AQP9: variants seen among roughly 807,000 people sequenced by gnomAD.
The protein encoded by AQP9 is aquaporin 9, also known as aquaporin-9.
In AQP9, 19 loss-of-function variants were observed where a neutral mutation model predicts 23.8. The ratio of observed to expected loss-of-function variants is 0.80; its 90% confidence interval spans 0.56 to 1.17. The LOEUF (loss-of-function observed/expected upper bound fraction) is 1.17, where lower values mean the gene tolerates loss of function less well. AQP9 is among the 50% of genes most tolerant of loss of function. The pLI is 0.00. For missense variants in AQP9, 413 were observed against 362.0 expected, an observed-to-expected ratio of 1.14 and a Z score of -1.14; for synonymous variants, 153 against 131.5, an observed-to-expected ratio of 1.16 and a Z score of -1.12.
intron 1 of AQP9, among the ~76,000 whole-genome samples, chr15:58,142,525 A>C (rs1897969009): frequency 6.6e-6 from 1 of 152,232 alleles, no homozygotes. Flanking sequence ...TTCACCACCT[A>C]CAAACACATT....
chr15:58,171,869 C>T (rs1054910500), intron 2 of AQP9, among the ~76,000 whole-genome samples: 15 of 139,868 alleles, frequency 1.1e-4, no homozygotes, highest in South Asian at 2.3e-4. Flanking sequence ...ATCATCATCA[C>T]CACCATCATC....
intron 1 of AQP9, among the ~76,000 whole-genome samples, chr15:58,145,532 T>C (rs1763805148): frequency 1.3e-5 from 2 of 151,928 alleles, no homozygotes. Context: ...TTTTTTAACT[T>C]AAAGTAAATC....
chr15:58,151,763 C>G lies in AQP9; in HGVS notation c.111+13087C>G, dbSNP rs1003050304. 4 of 152,210 alleles carry G rather than the reference C, an allele frequency of 2.6e-5. No individual in the cohort carries two copies. In the South Asian group the frequency reaches 8.3e-4, roughly 32 times the overall value. 9.4% of individuals were successfully genotyped at this position (152,210 alleles called of 1,614,324 possible). On this transcript the variant is annotated intron_variant, in intron 1 of 5. Coordinates refer to ENST00000219919, the MANE Select transcript of AQP9 (RefSeq NM_020980.5). ...TATGACTCTCATAGCAAAAATACCTCTATATGGACTTCACCTATGACTCCC... is the reference window on the plus strand; with the variant it reads ...TATGACTCTCATAGCAAAAATACCTGTATATGGACTTCACCTATGACTCCC...
At position 58,185,757 on chromosome 15, in the gene AQP9, A is replaced by T. The variant is rs1899016890; in HGVS notation, c.*1622A>T. 1 of 152,360 alleles carries T rather than the reference A, an allele frequency of 6.6e-6. No homozygotes were observed. Among genetic ancestry groups the T allele is most frequent in the Non-Finnish European group, 1.5e-5 (1 of 68,040 alleles). 9.4% of individuals were successfully genotyped at this position (152,360 alleles called of 1,614,324 possible). A position where few individuals can be genotyped will look rare whatever the true frequency, so the allele number is the denominator to read the frequency against. On this transcript the variant is annotated 3_prime_UTR_variant, in exon 6 of 6. Coordinates refer to ENST00000219919, the MANE Select transcript of AQP9 (RefSeq NM_020980.5). ...ATTCCCAAAGGCATTAGGTTTCCCA[A>T]CTGCTTTGTGCTGATATCAGAACAG...
chr15:58,171,037 G>A (rs191167532), intron 2 of AQP9, among the ~76,000 whole-genome samples: 81 of 151,646 alleles, frequency 5.3e-4, no homozygotes, highest in Non-Finnish European at 1.1e-3. Context: ...CAATTCTCCT[G>A]CCTCAGTCTC....
chr15:58,140,891 T>C (rs766451479), intron 1 of AQP9, among the ~76,000 whole-genome samples: 1 of 152,092 alleles, frequency 6.6e-6, no homozygotes. Flanking sequence ...CCCCAACACA[T>C]GGGCCACGGA....
intron 4 of AQP9, among the ~76,000 whole-genome samples, chr15:58,177,337 C>T (rs1381393362): frequency 6.6e-6 from 1 of 152,140 alleles, no homozygotes; most frequent in African/African-American, 2.4e-5. Context: ...GAGGCTCAAT[C>T]TAACAAGTAA....
Position 58,179,223 on chromosome 15 carries a change from C to G in AQP9, c.591C>G (p.Gly197=), listed in dbSNP as rs1376847342. The G allele has an allele frequency of 1.9e-6, 3 of 1,614,146 alleles. No homozygotes were observed. The highest frequency in any genetic ancestry group is 1.7e-6 in the Non-Finnish European group (2 of 1,179,988). Residue 197 remains glycine, a synonymous_variant, in exon 5 of 6, where the codon GGC becomes GGG. Coordinates refer to ENST00000219919, the MANE Select transcript of AQP9 (RefSeq NM_020980.5). ...APRGLEPIAI[G]LLIIVIASSL... ...GAGGCCTAGAGCCCATTGCCATCGG[C>G]CTCCTGATTATTGTCATTGCTTCCT... is the stretch of plus-strand genomic sequence containing the variant.
intron 1 of AQP9, among the ~76,000 whole-genome samples, chr15:58,163,547 C>A (rs189987341): frequency 6.6e-6 from 1 of 151,990 alleles, no homozygotes; most frequent in Non-Finnish European, 1.5e-5. Context: ...AGAGTACAAA[C>A]GCTACAGTTG....
chr15:58,160,595 T>C (rs1473248590), intron 1 of AQP9, among the ~76,000 whole-genome samples: 1 of 151,986 alleles, frequency 6.6e-6, no homozygotes, highest in Non-Finnish European at 1.5e-5. Context: ...TCCCCATGTA[T>C]ACATGTTAAA....
intron 4 of AQP9, among the ~76,000 whole-genome samples, chr15:58,176,678 T>C (rs1267451319): frequency 6.7e-6 from 1 of 150,330 alleles, no homozygotes; most frequent in African/African-American, 2.4e-5. Context: ...TGGCGTGATC[T>C]CAGCTCACTG....
intron 1 of AQP9, among the ~76,000 whole-genome samples, chr15:58,145,602 A>G (rs957630702): frequency 2.6e-5 from 4 of 152,088 alleles, no homozygotes; most frequent in Non-Finnish European, 4.4e-5. Flanking sequence ...CAACCACTCT[A>G]TCTTACATGT....
chr15:58,169,133 G>A (rs954150393), intron 2 of AQP9, among the ~76,000 whole-genome samples: 5 of 152,168 alleles, frequency 3.3e-5, no homozygotes, highest in African/African-American at 9.7e-5. Flanking sequence ...GTCTTCTGTG[G>A]CCTCTAAACT....
chr15:58,158,215 A>G (rs544060574), intron 1 of AQP9, among the ~76,000 whole-genome samples: 2 of 152,206 alleles, frequency 1.3e-5, no homozygotes, highest in African/African-American at 4.8e-5. Flanking sequence ...TCCACATCCT[A>G]TGGAAAACCT....
At chr15:58,144,307 G>A (rs117282118) in intron 1 of AQP9, among the ~76,000 whole-genome samples, 1 of 152,160 alleles carries the variant, frequency 6.6e-6, no homozygotes, top group East Asian at 1.9e-4. Flanking sequence ...TTTGGTGTAT[G>A]ATGTGGGATT....
chr15:58,147,907 C>CACACAT (rs1566980945), intron 1 of AQP9, among the ~76,000 whole-genome samples: 1 of 151,892 alleles, frequency 6.6e-6, no homozygotes, highest in Non-Finnish European at 1.5e-5. Context: ...CACACACACA[C>CACACAT]ATATACATGC....
intron 1 of AQP9, among the ~76,000 whole-genome samples, chr15:58,161,097 T>C (rs1898371868): frequency 6.6e-6 from 1 of 152,006 alleles, no homozygotes; most frequent in Non-Finnish European, 1.5e-5. Flanking sequence ...GGAGGTGGTG[T>C]GTGGTGCTTC....
rs1897895592 is a variant in AQP9 at position 58,138,505 on chromosome 15, A to G, written c.-61A>G. 4.4e-5 allele frequency: 60 copies of G among 1,373,780 alleles called. 1 individual carries two copies. The South Asian group carries it at 7.1e-4, about 16-fold the overall frequency. 85.1% of individuals were successfully genotyped at this position (1,373,780 alleles called of 1,614,324 possible). On this transcript the variant is annotated 5_prime_UTR_variant, in exon 1 of 6. Transcript: ENST00000219919. ...AAACGTCCATTTTCATCTGGCTGTGAAAGTGAGGACCACAACAGGTAGGTA... is the reference window on the plus strand; with the variant it reads ...AAACGTCCATTTTCATCTGGCTGTGGAAGTGAGGACCACAACAGGTAGGTA...
chr15:58,152,137 G>T (rs1240671500), intron 1 of AQP9: 1 of 151,992 alleles, frequency 6.6e-6, no homozygotes, highest in Non-Finnish European at 1.5e-5. Flanking sequence ...TTCAAACTAC[G>T]AGCGAGTCCA....
Sources: allele counts gnomAD v4.1 joint callset (sites outside exome capture counted in the v4.1 genomes callset), GRCh38; gene constraint gnomAD v4.1.1; transcripts MANE v1.5; gene names NCBI Gene and HGNC (gene_info 2026-07-23, HGNC 2026-07-21).